Variants in TRAPPC9 observed in about 807,000 individuals in gnomAD.
The protein encoded by TRAPPC9 is trafficking protein particle complex subunit 9.
A neutral mutation model predicts 124.0 loss-of-function variants in TRAPPC9; 83 were observed. The observed-to-expected ratio is 0.67, with a 90% confidence interval of 0.56 to 0.80. The LOEUF (loss-of-function observed/expected upper bound fraction) is 0.80. TRAPPC9 is among the 30% of genes least tolerant of loss of function. TRAPPC9 has a pLI of 0.00. For synonymous variants in TRAPPC9, 638 were observed against 617.5 expected, an observed-to-expected ratio of 1.03 and a Z score of -0.49; for missense variants, 1,302 against 1,508.3, an observed-to-expected ratio of 0.86 and a Z score of 2.27.
rs1464362729 is a variant in TRAPPC9, at chr8:140,264,617, A to C, written c.2278+11041T>G. Among the ~76,000 whole-genome samples, 5 of 131,710 alleles carry C rather than the reference A, an allele frequency of 3.8e-5. No homozygotes were observed. In the East Asian group the frequency reaches 9.2e-4, roughly 24 times the overall value. 86.4% of individuals were successfully genotyped at this position (131,710 alleles called of 152,430 possible). ...GAGGAGGGGGAGGGGGAAGGGAGAG[A>C]GAGAGAGAGCGGAGGGGGAGGGCAG... On this transcript the variant is annotated intron_variant, in intron 15 of 22. Transcript: ENST00000438773.
At chr8:140,326,385 C>A (rs1293498693) in intron 9 of TRAPPC9, among the ~76,000 whole-genome samples, 1 of 152,156 alleles carries the variant, frequency 6.6e-6, no homozygotes. Flanking sequence ...CCACATAGTG[C>A]ACAGGTAGCC....
chr8:140,448,065 G>C (rs1215784914), intron 2 of TRAPPC9, among the ~76,000 whole-genome samples: 1 of 150,324 alleles, frequency 6.7e-6, no homozygotes, highest in East Asian at 2.0e-4. Flanking sequence ...AGAATCGCTT[G>C]AGCCCAGGAG....
chr8:140,343,273 C>T (rs1426206765), intron 9 of TRAPPC9, among the ~76,000 whole-genome samples: 1 of 152,206 alleles, frequency 6.6e-6, no homozygotes, highest in African/African-American at 2.4e-5. Flanking sequence ...GGCCTCAACC[C>T]TCACTCTCCA....
At chr8:139,782,256 T>G (rs1174459599) in intron 21 of TRAPPC9, among the ~76,000 whole-genome samples, 1 of 152,214 alleles carries the variant, frequency 6.6e-6, no homozygotes, top group African/African-American at 2.4e-5. Flanking sequence ...GGCATGCACC[T>G]GTAGTCCCAG....
chr8:139,928,848 C>T (rs968175129), intron 19 of TRAPPC9, among the ~76,000 whole-genome samples: 1 of 151,446 alleles, frequency 6.6e-6, no homozygotes, highest in Non-Finnish European at 1.5e-5. Context: ...CTCTAGGAAA[C>T]CACAGGTGTT....
intron 17 of TRAPPC9, among the ~76,000 whole-genome samples, chr8:140,110,075 C>T (rs2060735874): frequency 6.6e-6 from 1 of 152,024 alleles, no homozygotes; most frequent in East Asian, 1.9e-4. Flanking sequence ...CCACGGGAGG[C>T]CCCAGATGAG....
chr8:139,840,446 G>C (rs1490201285), intron 21 of TRAPPC9, among the ~76,000 whole-genome samples: 1 of 152,240 alleles, frequency 6.6e-6, no homozygotes, highest in Non-Finnish European at 1.5e-5. Flanking sequence ...TCATGGCAAA[G>C]GCACCATGTG....
chr8:139,812,988 C>G (rs1824548414), intron 21 of TRAPPC9, among the ~76,000 whole-genome samples: 1 of 152,242 alleles, frequency 6.6e-6, no homozygotes, highest in South Asian at 2.1e-4. Context: ...CTGGCCCTGA[C>G]AGCTTCCTCC....
rs148435074 is a variant in TRAPPC9, at chr8:140,341,932, G to A, written c.1495+18118C>T. Among the ~76,000 whole-genome samples the A allele has an allele frequency of 2.3e-3, 353 of 152,358 alleles. 1 individual carries two copies. Among genetic ancestry groups the A allele is most frequent in the African/African-American group, 8.0e-3 (334 of 41,582 alleles). ...GCAGTGCACAATGTGTGGGGCCTTT[G>A]GCCTCTGACACTATTTCAGCAGAAG... is the stretch of plus-strand genomic sequence containing the variant. On this transcript the variant is annotated intron_variant, in intron 9 of 22. Transcript: ENST00000438773.
intron 18 of TRAPPC9, among the ~76,000 whole-genome samples, chr8:139,999,199 A>C (rs1838236290): frequency 1.3e-5 from 2 of 152,158 alleles, no homozygotes; most frequent in Admixed American, 1.3e-4. Flanking sequence ...TTTAAACAAA[A>C]AAAAACACTC....
chr8:139,858,751 C>T (rs561563833), intron 21 of TRAPPC9, among the ~76,000 whole-genome samples: 1 of 152,102 alleles, frequency 6.6e-6, no homozygotes, highest in African/African-American at 2.4e-5. Context: ...ATGCTCTGTG[C>T]CTTCAAGCAG....
At chr8:140,083,136 T>A (rs1843945732) in intron 17 of TRAPPC9, among the ~76,000 whole-genome samples, 1 of 152,178 alleles carries the variant, frequency 6.6e-6, no homozygotes, top group South Asian at 2.1e-4. Context: ...GAGGTTGCAG[T>A]GAGCTGAGAT....
Position 140,074,078 on chromosome 8 carries a change from G to A in TRAPPC9, c.2557-49999C>T, listed in dbSNP as rs574051468. On this transcript the variant is annotated intron_variant, in intron 17 of 22. Coordinates refer to ENST00000438773, the MANE Select transcript of TRAPPC9 (RefSeq NM_001160372.4). ...CCACTGCCCAATGCAGGTCTTTACC[G>A]TCACAGACAGGAAGTGCTCCCGATC... Among the ~76,000 whole-genome samples, 105 of 152,286 alleles carry A rather than the reference G, an allele frequency of 6.9e-4. No homozygotes were observed. In the Middle Eastern group the frequency reaches 0.017, roughly 25 times the overall value.
At chr8:139,926,410 G>A (rs1832818451) in intron 19 of TRAPPC9, among the ~76,000 whole-genome samples, 1 of 152,084 alleles carries the variant, frequency 6.6e-6, no homozygotes, top group African/African-American at 2.4e-5. Context: ...TCAGAAGAAC[G>A]AATGGGTACC....
chr8:139,736,702 A>G (rs978515974), intron 21 of TRAPPC9, among the ~76,000 whole-genome samples: 2 of 152,218 alleles, frequency 1.3e-5, no homozygotes, highest in Non-Finnish European at 2.9e-5. Context: ...CGATGCTCGC[A>G]GCTGCCTTGC....
At position 139,737,864 on chromosome 8, in the gene TRAPPC9, G is replaced by A. The variant is rs148710957; in HGVS notation, c.3056-5662C>T. ...ACCACCATGGCTCCCAACCTTCCCT[G>A]AGGAGGGGAGGATCTGCAGGAGCAG... On this transcript the variant is annotated intron_variant, in intron 21 of 22. Transcript: ENST00000438773. Among the ~76,000 whole-genome samples the A allele has an allele frequency of 5.7e-3, 873 of 152,332 alleles. 5 individuals are homozygous for A. Among genetic ancestry groups the A allele is most frequent in the Non-Finnish European group, 8.9e-3 (605 of 68,026 alleles).
intron 17 of TRAPPC9, among the ~76,000 whole-genome samples, chr8:140,084,961 A>G (rs574454531): frequency 1.4e-4 from 22 of 152,320 alleles, no homozygotes; most frequent in Admixed American, 1.4e-3. Flanking sequence ...GAGGCCTGGG[A>G]TGAGCGTTAG....
intron 17 of TRAPPC9, among the ~76,000 whole-genome samples, chr8:140,197,023 A>AC (rs1402804596): frequency 6.6e-6 from 1 of 152,260 alleles, no homozygotes; most frequent in Non-Finnish European, 1.5e-5. Flanking sequence ...GAACAGAGTA[A>AC]CACTCGGTAA....
chr8:139,812,674 A>G (rs1824525212), intron 21 of TRAPPC9, among the ~76,000 whole-genome samples: 1 of 152,230 alleles, frequency 6.6e-6, no homozygotes, highest in African/African-American at 2.4e-5. Flanking sequence ...TGAGTTAAAT[A>G]GATATTTTTA....
Sources: gnomAD v4.1 joint callset for allele counts (sites outside exome capture counted in the v4.1 genomes callset) on GRCh38, gnomAD v4.1.1 for gene constraint, MANE v1.5 for transcripts, NCBI Gene and HGNC (gene_info 2026-07-23, HGNC 2026-07-21) for gene names.